NPY2R: variants seen among roughly 807,000 people sequenced by gnomAD.
NPY2R encodes neuropeptide Y receptor type 2.
In NPY2R, 17 loss-of-function variants were observed where a neutral mutation model predicts 22.3. The ratio of observed to expected loss-of-function variants is 0.76; its 90% CI spans 0.52 to 1.14. NPY2R has a LOEUF of 1.14. Among genes scored for constraint, NPY2R ranks in the 50% most tolerant of loss-of-function variants. The pLI is 0.00. For missense variants in NPY2R, 424 were observed against 467.9 expected (o/e 0.91, Z 0.87); for synonymous variants, 209 against 183.4 (o/e 1.14, Z -1.13).
chr4:155,177,752 C>T, the NPY2R span, among the ~76,000 whole-genome samples: 1 of 152,054 alleles, frequency 6.6e-6, no homozygotes, highest in South Asian at 2.1e-4. Context: ...ACCCTACACA[C>T]CCATAGAGTT....
At chr4:155,202,101 G>A in the NPY2R span, among the ~76,000 whole-genome samples, 1 of 152,192 alleles carries the variant, frequency 6.6e-6, no homozygotes, top group Non-Finnish European at 1.5e-5. Flanking sequence ...TCACCACTGG[G>A]TTCTACATTG....
At position 155,214,541 on chromosome 4, in the gene NPY2R, T is replaced by C. The variant is rs1388286737; in HGVS notation, c.602T>C (p.Val201Ala). The C allele has an allele frequency of 3.1e-6, 5 of 1,614,208 alleles. No homozygotes were observed. The highest frequency in any genetic ancestry group is 4.2e-6 in the Non-Finnish European group (5 of 1,180,016). Residue 201 changes from valine to alanine, a missense_variant, in exon 2 of 2, where the codon GTG becomes GCG. Val to Ala is a moderately conservative substitution (Grantham distance 64). Transcript: ENST00000329476. ...LIEIIPDFEI[V>A]ACTEKWPGEE... ...GAGATCATCCCGGACTTTGAGATTG[T>C]GGCCTGTACTGAAAAGTGGCCTGGC...
the NPY2R span, among the ~76,000 whole-genome samples, chr4:155,189,440 CAAAT>C: frequency 1.3e-5 from 2 of 151,882 alleles, no homozygotes; most frequent in African/African-American, 4.8e-5. Context: ...CTGGTAGATA[CAAAT>C]AAAATGTTAA....
At chr4:155,193,992 A>G in the NPY2R span, among the ~76,000 whole-genome samples, 2 of 151,986 alleles carry the variant, frequency 1.3e-5, no homozygotes, top group Non-Finnish European at 2.9e-5. Flanking sequence ...AGAGAGACAC[A>G]CAGGACTAAG....
the NPY2R span, among the ~76,000 whole-genome samples, chr4:155,191,962 G>A: frequency 6.6e-6 from 1 of 151,722 alleles, no homozygotes; most frequent in East Asian, 1.9e-4. Context: ...ATTTATGTTT[G>A]GTGAATTTTA....
the NPY2R span, among the ~76,000 whole-genome samples, chr4:155,187,538 T>C: frequency 6.6e-6 from 1 of 152,084 alleles, no homozygotes; most frequent in Non-Finnish European, 1.5e-5. Flanking sequence ...TGATTGCTAC[T>C]TCAGGAGCAG....
the NPY2R span, among the ~76,000 whole-genome samples, chr4:155,192,452 G>A: frequency 6.6e-6 from 1 of 151,844 alleles, no homozygotes; most frequent in South Asian, 2.1e-4. Context: ...CATTGCACAG[G>A]ATAATTTGTA....
intron 1 of NPY2R, among the ~76,000 whole-genome samples, chr4:155,211,380 G>A (rs1379434803): frequency 6.6e-6 from 1 of 152,170 alleles, no homozygotes; most frequent in Non-Finnish European, 1.5e-5. Context: ...GGGGAGGGCA[G>A]AGAGGCATGA....
the NPY2R span, among the ~76,000 whole-genome samples, chr4:155,184,016 C>G: frequency 6.6e-6 from 1 of 152,226 alleles, no homozygotes; most frequent in East Asian, 1.9e-4. Flanking sequence ...CTTCTTCCTC[C>G]TGTCTCCGCT....
Position 155,216,393 on chromosome 4 carries a change from A to G in NPY2R, c.*1308A>G, listed in dbSNP as rs975896212. ...AGTACCCAACCAAAGATGCTTAAAA[A>G]CCTTCTATGTTCATAAAAAATAACA... On this transcript the variant is annotated 3_prime_UTR_variant, in exon 2 of 2. Coordinates refer to ENST00000329476, the MANE Select transcript of NPY2R (RefSeq NM_000910.4). 11 of 166,732 alleles carry G rather than the reference A, an allele frequency of 6.6e-5. No individual in the cohort carries two copies. Among genetic ancestry groups the G allele is most frequent in the Non-Finnish European group, 1.6e-4 (11 of 68,026 alleles). 10.3% of individuals were successfully genotyped at this position (166,732 alleles called of 1,614,324 possible).
chr4:155,194,882 A>G, the NPY2R span, among the ~76,000 whole-genome samples: 73 of 151,234 alleles, frequency 4.8e-4, no homozygotes, highest in Admixed American at 1.3e-3. Flanking sequence ...TTGCTCTGCA[A>G]CCTCTCCAGC....
At chr4:155,176,964 T>A in the NPY2R span, among the ~76,000 whole-genome samples, 1 of 152,262 alleles carries the variant, frequency 6.6e-6, no homozygotes, top group African/African-American at 2.4e-5. Flanking sequence ...CCAGCCCTTT[T>A]TATCACATAA....
chr4:155,203,478 A>T, the NPY2R span, among the ~76,000 whole-genome samples: 4 of 152,250 alleles, frequency 2.6e-5, no homozygotes, highest in Admixed American at 1.3e-4. Context: ...AGTTTTTTTT[A>T]AAAAGACTAT....
Position 155,215,156 on chromosome 4 carries a change from A to T in NPY2R, c.*71A>T, listed in dbSNP as rs1397055817. The T allele has an allele frequency of 1.5e-6, 2 of 1,362,090 alleles. No homozygotes were observed. The highest frequency in any genetic ancestry group is 2.9e-5 in the African/African-American group (2 of 69,840). 84.4% of individuals were successfully genotyped at this position (1,362,090 alleles called of 1,614,324 possible). On this transcript the variant is annotated 3_prime_UTR_variant, in exon 2 of 2. Transcript: ENST00000329476. ...ATGAATCTGGTTGATGGCGGCTCAC[A>T]AGTGAAAACTGATTTCCCATTTTAA...
chr4:155,199,655 G>A, the NPY2R span, among the ~76,000 whole-genome samples: 10 of 152,220 alleles, frequency 6.6e-5, no homozygotes, highest in South Asian at 1.7e-3. Context: ...CATGGTACTT[G>A]TACCAAAACA....
chr4:155,211,685 A>T (rs528809506), intron 1 of NPY2R, among the ~76,000 whole-genome samples: 1 of 152,214 alleles, frequency 6.6e-6, no homozygotes, highest in South Asian at 2.1e-4. Context: ...TTTAATTCAG[A>T]TAGTTGATTA....
chr4:155,202,510 C>A, the NPY2R span, among the ~76,000 whole-genome samples: 1 of 152,020 alleles, frequency 6.6e-6, no homozygotes, highest in African/African-American at 2.4e-5. Context: ...AGGAGTGGTG[C>A]GTAATAAAAT....
At chr4:155,206,947 G>A (rs1437145851), upstream of NPY2R, 3 of 151,964 alleles carry the variant, frequency 2.0e-5, no homozygotes, top group African/African-American at 4.8e-5. Flanking sequence ...CACATATTTG[G>A]GCAAAGAGTA....
At chr4:155,179,551 T>C in the NPY2R span, among the ~76,000 whole-genome samples, 1 of 152,202 alleles carries the variant, frequency 6.6e-6, no homozygotes, top group African/African-American at 2.4e-5. Flanking sequence ...GCCCTGTGTA[T>C]ACAGTGAGTC....
Sources: allele counts gnomAD v4.1 joint callset (sites outside exome capture counted in the v4.1 genomes callset), GRCh38; gene constraint gnomAD v4.1.1; transcripts MANE v1.5; gene names NCBI Gene and HGNC (gene_info 2026-07-23, HGNC 2026-07-21).